Variants in HDAC9 observed in about 807,000 individuals in gnomAD.
The protein encoded by HDAC9 is MEF-2 interacting transcription repressor (MITR) protein.
HDAC9 carries 41 observed loss-of-function variants against 139.4 expected under a neutral mutation model. The ratio of observed to expected loss-of-function variants is 0.29; its 90% CI spans 0.23 to 0.38. The LOEUF (loss-of-function observed/expected upper bound fraction) is 0.38, where lower values mean the gene tolerates loss of function less well. HDAC9 is among the 10% of genes least tolerant of loss of function. HDAC9 has a pLI of 1.00. For missense variants in HDAC9, 1,147 were observed against 1,297.0 expected (o/e 0.88, Z 1.78); for synonymous variants, 517 against 476.2 (o/e 1.09, Z -1.12).
chr7:18,598,806 C>A (rs1833163371), intron 6 of HDAC9, among the ~76,000 whole-genome samples: 1 of 152,170 alleles, frequency 6.6e-6, no homozygotes, highest in African/African-American at 2.4e-5. Flanking sequence ...AAGCTATGGG[C>A]AACTCACAAG....
intron 2 of HDAC9, among the ~76,000 whole-genome samples, chr7:18,576,119 A>T (rs1021739666): frequency 1.3e-5 from 2 of 152,230 alleles, no homozygotes; most frequent in South Asian, 2.1e-4. Flanking sequence ...GAGAGAACAC[A>T]TATGGAAAAT....
At chr7:18,261,366 A>G (rs1365633118) in intron 2 of HDAC9, among the ~76,000 whole-genome samples, 2 of 152,310 alleles carry the variant, frequency 1.3e-5, no homozygotes, top group East Asian at 3.9e-4. Context: ...AGAATGTGTT[A>G]TATTGGAAAC....
At chr7:18,438,634 T>A (rs530756445) in intron 1 of HDAC9, among the ~76,000 whole-genome samples, 2 of 105,462 alleles carry the variant, frequency 1.9e-5, no homozygotes, top group South Asian at 7.8e-4. Flanking sequence ...GACAGTGATA[T>A]GCTGTGTGTG....
intron 19 of HDAC9, among the ~76,000 whole-genome samples, chr7:18,832,421 A>G (rs1795918305): frequency 6.6e-6 from 1 of 152,246 alleles, no homozygotes; most frequent in African/African-American, 2.4e-5. Flanking sequence ...TTATTTTAAC[A>G]TAATAGTGAA....
chr7:18,577,690 T>G (rs1473681780), intron 2 of HDAC9, among the ~76,000 whole-genome samples: 2 of 152,000 alleles, frequency 1.3e-5, no homozygotes, highest in African/African-American at 2.4e-5. Flanking sequence ...AAAAAATGTT[T>G]GTTGAATTAA....
chr7:18,968,976 AAAAAAAG>A (rs1784074304), intron 24 of HDAC9, among the ~76,000 whole-genome samples: 1 of 149,834 alleles, frequency 6.7e-6, no homozygotes, highest in Non-Finnish European at 1.5e-5. Flanking sequence ...AAAAAAAAAA[AAAAAAAG>A]AATCACTTTA....
intron 6 of HDAC9, among the ~76,000 whole-genome samples, chr7:18,627,202 A>G (rs1032503433): frequency 6.6e-6 from 1 of 152,212 alleles, no homozygotes; most frequent in African/African-American, 2.4e-5. Context: ...ACATCCCTCA[A>G]TGAAAATGCA....
chr7:18,944,755 C>G (rs560734766), intron 23 of HDAC9, among the ~76,000 whole-genome samples: 1 of 152,140 alleles, frequency 6.6e-6, no homozygotes, highest in East Asian at 1.9e-4. Context: ...TTTCTGATGT[C>G]TAAGACTATA....
chr7:18,722,109 C>A (rs919574205), intron 12 of HDAC9, among the ~76,000 whole-genome samples: 3 of 152,080 alleles, frequency 2.0e-5, no homozygotes, highest in African/African-American at 7.2e-5. Flanking sequence ...GGCCTTAGAC[C>A]ACACCATATA....
chr7:18,361,708 C>G (rs1216550078), intron 1 of HDAC9, among the ~76,000 whole-genome samples: 1 of 151,960 alleles, frequency 6.6e-6, no homozygotes, highest in African/African-American at 2.4e-5. Context: ...AAGGAAAAGA[C>G]CTTAACTTTA....
intron 14 of HDAC9, among the ~76,000 whole-genome samples, chr7:18,749,681 A>G (rs1465473587): frequency 6.6e-6 from 1 of 152,214 alleles, no homozygotes; most frequent in Non-Finnish European, 1.5e-5. Flanking sequence ...CTTGGTGAAT[A>G]CCATTTTTAT....
chr7:18,692,667 T>G (rs1782754233), intron 12 of HDAC9, among the ~76,000 whole-genome samples: 4 of 152,152 alleles, frequency 2.6e-5, no homozygotes, highest in Non-Finnish European at 4.4e-5. Flanking sequence ...GGAGATCTAG[T>G]TAGTATATAA....
chr7:18,856,584 A>T (rs1355897391), intron 21 of HDAC9, among the ~76,000 whole-genome samples: 1 of 152,148 alleles, frequency 6.6e-6, no homozygotes, highest in African/African-American at 2.4e-5. Context: ...TAAACATTGC[A>T]AATGTACATT....
intron 2 of HDAC9, among the ~76,000 whole-genome samples, chr7:18,279,089 C>G (rs965778552): frequency 6.6e-6 from 1 of 152,192 alleles, no homozygotes; most frequent in African/African-American, 2.4e-5. Flanking sequence ...CAATAAAGTA[C>G]AACTAAATCT....
intron 1 of HDAC9, among the ~76,000 whole-genome samples, chr7:18,121,016 A>T (rs989013172): frequency 6.6e-6 from 1 of 152,210 alleles, no homozygotes; most frequent in Non-Finnish European, 1.5e-5. Flanking sequence ...TGCATTTTAG[A>T]GAAAGAAGTG....
intron 1 of HDAC9, among the ~76,000 whole-genome samples, chr7:18,436,096 G>A (rs779774768): frequency 1.6e-4 from 25 of 151,834 alleles, no homozygotes; most frequent in East Asian, 7.7e-4. Context: ...GGGATTACAG[G>A]CGTGAACAAC....
At chr7:18,183,042 C>G (rs1015039946) in intron 2 of HDAC9, among the ~76,000 whole-genome samples, 7 of 143,622 alleles carry the variant, frequency 4.9e-5, no homozygotes, top group African/African-American at 2.0e-4. Flanking sequence ...CGGAGTCTCA[C>G]TCTGTTGCCC....
intron 3 of HDAC9, among the ~76,000 whole-genome samples, chr7:18,588,999 A>G (rs1169931714): frequency 1.3e-5 from 2 of 152,124 alleles, no homozygotes; most frequent in Non-Finnish European, 2.9e-5. Flanking sequence ...TAAAAACTAA[A>G]TTTTATGTAC....
intron 6 of HDAC9, among the ~76,000 whole-genome samples, chr7:18,628,891 G>C (rs942031050): frequency 2.6e-5 from 4 of 152,068 alleles, no homozygotes; most frequent in African/African-American, 9.7e-5. Flanking sequence ...ATGCTGCAGA[G>C]GTGTCTTCTT....
Sources: gnomAD v4.1 joint callset for allele counts (sites outside exome capture counted in the v4.1 genomes callset) on GRCh38, gnomAD v4.1.1 for gene constraint, MANE v1.5 for transcripts, NCBI Gene and HGNC (gene_info 2026-07-23, HGNC 2026-07-21) for gene names.